LIPJ: variants seen among roughly 807,000 people sequenced by gnomAD.
LIPJ encodes the protein lipase member J.
LIPJ carries 33 observed loss-of-function variants against 39.8 expected under a neutral mutation model. The observed-to-expected ratio is 0.83, with a 90% CI of 0.63 to 1.11. LIPJ has a LOEUF of 1.11. LIPJ is among the 50% of genes least tolerant of loss of function. The probability of loss-of-function intolerance (pLI) is 0.00; values close to 1 mark genes in which losing one functional copy is unlikely to be tolerated. For missense variants in LIPJ, 422 were observed against 427.9 expected (o/e 0.99, Z 0.12); for synonymous variants, 128 against 139.2 (o/e 0.92, Z 0.57).
chr10:88,622,517 T>G, the LIPJ span, among the ~76,000 whole-genome samples: 2 of 152,256 alleles, frequency 1.3e-5, no homozygotes, highest in Non-Finnish European at 2.9e-5. Flanking sequence ...AATAACTAAT[T>G]CAGTAGATCT....
intron 6 of LIPJ, among the ~76,000 whole-genome samples, 190 bp from the exon 7 acceptor site, chr10:88,596,087 TATC>T (rs1337183545): frequency 1.3e-5 from 2 of 151,674 alleles, no homozygotes; most frequent in South Asian, 4.1e-4. Flanking sequence ...AAACCCAAAT[TATC>T]AGCATTATAT....
chr10:88,590,560 A>G (rs1202318836), intron 2 of LIPJ, 25 bp from the exon 3 acceptor site: 5 of 722,804 alleles, frequency 6.9e-6, no homozygotes, highest in Non-Finnish European at 1.2e-5. Context: ...TTTTAACTGT[A>G]TAAACATCTC....
chr10:88,598,377 A>C (rs191293911), intron 8 of LIPJ, among the ~76,000 whole-genome samples: 2 of 152,172 alleles, frequency 1.3e-5, no homozygotes, highest in East Asian at 3.9e-4. Flanking sequence ...GTCATGATGC[A>C]AGAAAAAACA....
chr10:88,606,800 T>C (rs1851681690), exon 11 of LIPJ: 1 of 1,612,690 alleles, frequency 6.2e-7, no homozygotes, highest in Non-Finnish European at 8.5e-7. Flanking sequence ...AAACCACATT[T>C]ATTATAAAAC....
chr10:88,596,853 C>T (rs371805349), exon 8 of LIPJ: 44 of 1,598,342 alleles, frequency 2.8e-5, no homozygotes, highest in African/African-American at 5.4e-5. Flanking sequence ...TGGTTCAAAG[C>T]TGTGTCCACT....
chr10:88,595,305 A>G (rs1190682485), intron 6 of LIPJ, among the ~76,000 whole-genome samples: 1 of 151,770 alleles, frequency 6.6e-6, no homozygotes, highest in Non-Finnish European at 1.5e-5. Context: ...TTCGGAAATA[A>G]ATGACCTATG....
At chr10:88,582,936 G>T (rs999437060), upstream of LIPJ, 14 of 1,034,124 alleles carry the variant, frequency 1.4e-5, no homozygotes, top group Non-Finnish European at 1.9e-5. Context: ...TCGGCGCATG[G>T]GCCGCGCTAC....
In LIPJ at chr10:88,596,275, T is replaced by G. The variant is rs1851253068; in HGVS notation, c.440-5T>G. The stretch of plus-strand genomic sequence containing the variant: ...CTTACTAATTTATATCTTATTTTAT[T>G]TTAGGTTTCATAACATTTTCTACTA... On this transcript the variant is annotated splice_polypyrimidine_tract_variant and splice_region_variant and intron_variant, in intron 6 of 10. Coordinates refer to ENST00000371939, the Ensembl canonical transcript of LIPJ. The G allele has an allele frequency of 2.9e-6, 4 of 1,357,248 alleles. No homozygotes were observed. Among genetic ancestry groups the G allele is most frequent in the Non-Finnish European group, 3.9e-6 (4 of 1,023,138 alleles). 84.1% of individuals were successfully genotyped at this position (1,357,248 alleles called of 1,614,324 possible).
intron 2 of LIPJ, among the ~76,000 whole-genome samples, chr10:88,589,825 A>G (rs1031659506): frequency 2.0e-5 from 3 of 151,810 alleles, no homozygotes; most frequent in Non-Finnish European, 4.4e-5. Flanking sequence ...CCTGAGAAGT[A>G]GGTATTAGTT....
chr10:88,596,169 A>T, intron 6 of LIPJ, 111 bp from the exon 7 acceptor site: 1 of 674,326 alleles, frequency 1.5e-6, no homozygotes, highest in Non-Finnish European at 2.2e-6. Flanking sequence ...GAAATAAGTT[A>T]ATTGTTCAGA....
At chr10:88,608,717 C>CT (rs1851715114), downstream of LIPJ, among the ~76,000 whole-genome samples, 1 of 152,178 alleles carries the variant, frequency 6.6e-6, no homozygotes, top group Admixed American at 6.5e-5. Flanking sequence ...TTAACACATA[C>CT]TTATGGACAT....
intron 5 of LIPJ, 59 bp from the exon 6 acceptor site, chr10:88,594,608 C>T: frequency 1.3e-6 from 1 of 798,066 alleles, no homozygotes; most frequent in Non-Finnish European, 1.9e-6. Flanking sequence ...TCATTATTTT[C>T]AAATACTAAC....
At chr10:88,594,824 G>A in intron 6 of LIPJ, 48 bp downstream of exon 6, 1 of 955,966 alleles carries the variant, frequency 1.0e-6, no homozygotes, top group South Asian at 1.9e-5. Context: ...TCTTTTTTAA[G>A]GTTGTGCATA....
the LIPJ span, among the ~76,000 whole-genome samples, chr10:88,622,425 T>C: frequency 2.6e-5 from 4 of 152,294 alleles, no homozygotes; most frequent in South Asian, 6.2e-4. Flanking sequence ...GAGGAAACAA[T>C]TAAGGCAGTT....
chr10:88,613,800 A>ATATATATATATATATATATATGTG, the LIPJ span, among the ~76,000 whole-genome samples: 4 of 74,172 alleles, frequency 5.4e-5, no homozygotes, highest in Non-Finnish European at 1.1e-4. Context: ...ATATATATAT[A>ATATATATATATATATATATATGTG]TGTGTGTGTG....
At chr10:88,590,064 A>C (rs1358831164) in intron 2 of LIPJ, among the ~76,000 whole-genome samples, 3 of 151,584 alleles carry the variant, frequency 2.0e-5, no homozygotes, top group Non-Finnish European at 4.4e-5. Flanking sequence ...TTAAGAAAAA[A>C]CTTAAGAGTT....
chr10:88,599,240 A>T (rs1851379429), intron 8 of LIPJ, among the ~76,000 whole-genome samples: 1 of 151,816 alleles, frequency 6.6e-6, no homozygotes, highest in Non-Finnish European at 1.5e-5. Flanking sequence ...CAAGTTTAAC[A>T]CATCTATCAC....
At chr10:88,596,248 A>G in intron 6 of LIPJ, 32 bp from the exon 7 acceptor site, 1 of 1,264,104 alleles carries the variant, frequency 7.9e-7, no homozygotes, top group Non-Finnish European at 1.0e-6. Context: ...GCTTAAGAAT[A>G]GCTTACTAAT....
chr10:88,611,314 AG>A (rs1851748746), downstream of LIPJ, among the ~76,000 whole-genome samples: 1 of 152,252 alleles, frequency 6.6e-6, no homozygotes, highest in Admixed American at 6.5e-5. Flanking sequence ...CCTAAATGAG[AG>A]GGAACCAGAA....
Sources: allele counts gnomAD v4.1 joint callset (sites outside exome capture counted in the v4.1 genomes callset), GRCh38; gene constraint gnomAD v4.1.1; transcripts MANE v1.5; gene names NCBI Gene and HGNC (gene_info 2026-07-23, HGNC 2026-07-21).